Variants in KLHL4 observed in about 807,000 individuals in gnomAD.
KLHL4 encodes the protein kelch-like protein 4.
In KLHL4, 17 loss-of-function variants were observed where a neutral mutation model predicts 45.8. The ratio of observed to expected loss-of-function variants is 0.37; its 90% CI spans 0.25 to 0.56. The LOEUF is 0.56. Ranked by LOEUF, KLHL4 falls within the 20% of genes least tolerant of loss-of-function variation. The pLI, the probability that KLHL4 is intolerant of heterozygous loss-of-function variation, is 0.79. For synonymous variants in KLHL4, 224 were observed against 189.9 expected, an observed-to-expected ratio of 1.18 and a Z score of -1.47; for missense variants, 544 against 544.9, an observed-to-expected ratio of 1.00 and a Z score of 0.02.
At chrX:87,567,172 A>T (rs1184352010) in intron 1 of KLHL4, among the ~76,000 whole-genome samples, 2 of 111,519 alleles carry the variant, frequency 1.8e-5, no homozygotes, top group African/African-American at 6.5e-5. Context: ...TATTTATGAA[A>T]AATCGGCAGC....
intron 1 of KLHL4, among the ~76,000 whole-genome samples, chrX:87,587,991 C>T (rs763089604): frequency 1.5e-4 from 17 of 111,698 alleles, no homozygotes; most frequent in African/African-American, 3.9e-4. Flanking sequence ...AAATCAGTAG[C>T]ATTCCATATG....
intron 9 of KLHL4, among the ~76,000 whole-genome samples, chrX:87,637,945 T>G (rs755842917): frequency 9.0e-6 from 1 of 110,917 alleles, no homozygotes; most frequent in Non-Finnish European, 1.9e-5. Flanking sequence ...CGAGACTCCA[T>G]TGAAAAAATA....
Position 87,534,322 on chromosome X carries a change from A to G in KLHL4, c.422+16007A>G, listed in dbSNP as rs111642163. ...TGACTTATTGGTTTGGGGGTAGAAC[A>G]TAGGAATTTGAATTTTTAACAAACT... On this transcript the variant is annotated intron_variant, in intron 1 of 10. Coordinates refer to ENST00000373119, the MANE Select transcript of KLHL4 (RefSeq NM_019117.5). Among the ~76,000 whole-genome samples the G allele has an allele frequency of 5.6e-3, 620 of 111,204 alleles. 4 individuals carry two copies. The highest frequency in any genetic ancestry group is 9.3e-3 in the Middle Eastern group (2 of 216).
intron 1 of KLHL4, among the ~76,000 whole-genome samples, chrX:87,590,021 A>G (rs1325571035): frequency 9.7e-6 from 1 of 102,894 alleles, no homozygotes; most frequent in Non-Finnish European, 2.0e-5. Context: ...CTGAGCAACA[A>G]GAGCGAAACT....
At chrX:87,525,190 A>G (rs1229227729) in intron 1 of KLHL4, among the ~76,000 whole-genome samples, 1 of 112,055 alleles carries the variant, frequency 8.9e-6, no homozygotes, top group Non-Finnish European at 1.9e-5. Flanking sequence ...TATCAATTTT[A>G]AGGCTGTAGC....
intron 6 of KLHL4, among the ~76,000 whole-genome samples, chrX:87,629,604 G>A (rs1043959988): frequency 5.4e-5 from 6 of 111,242 alleles, no homozygotes; most frequent in African/African-American, 2.0e-4. Context: ...CCCACCATTC[G>A]TATCTTCATA....
intron 4 of KLHL4, among the ~76,000 whole-genome samples, chrX:87,619,406 C>T (rs1049370421): frequency 1.8e-5 from 2 of 111,409 alleles, no homozygotes; most frequent in African/African-American, 6.5e-5. Context: ...AAGTTTGAAA[C>T]GTATTCCTAA....
chrX:87,628,526 T>A (rs1196812454), intron 6 of KLHL4, among the ~76,000 whole-genome samples: 1 of 111,876 alleles, frequency 8.9e-6, no homozygotes, highest in Non-Finnish European at 1.9e-5. Context: ...AGTATAAACA[T>A]TAATTTCTAT....
intron 1 of KLHL4, among the ~76,000 whole-genome samples, chrX:87,610,533 A>G (rs1009099624): frequency 8.9e-6 from 1 of 111,783 alleles, no homozygotes; most frequent in Non-Finnish European, 1.9e-5. Flanking sequence ...TCTTAATTTG[A>G]CATAGACAAT....
intron 1 of KLHL4, among the ~76,000 whole-genome samples, chrX:87,608,927 A>T (rs969359751): frequency 2.7e-5 from 3 of 109,472 alleles, no homozygotes; most frequent in Non-Finnish European, 5.7e-5. Context: ...CCCACCCCAC[A>T]ACAGGCCCCG....
intron 9 of KLHL4, among the ~76,000 whole-genome samples, chrX:87,648,954 G>T (rs1327919579): frequency 9.0e-6 from 1 of 111,653 alleles, no homozygotes; most frequent in African/African-American, 3.2e-5. Flanking sequence ...TGACACTGAA[G>T]AAAACCACAT....
chrX:87,592,661 T>C (rs185258476), intron 1 of KLHL4, among the ~76,000 whole-genome samples: 21 of 112,425 alleles, frequency 1.9e-4, no homozygotes, highest in African/African-American at 6.8e-4. Context: ...TCTCAAATGA[T>C]CAATGATTTT....
At chrX:87,648,209 T>C (rs72634519) in intron 9 of KLHL4, among the ~76,000 whole-genome samples, 3,887 of 111,017 alleles carry the variant, frequency 0.035, 76 homozygotes, top group East Asian at 0.14. Context: ...AGTTAAATAA[T>C]ATTAACCTAA....
chrX:87,635,754 G>A lies in KLHL4; in HGVS notation c.1904G>A (p.Arg635Lys), dbSNP rs1362440421. 1 of 1,193,111 alleles carries A rather than the reference G, an allele frequency of 8.4e-7. No homozygotes were observed. Residue 635 changes from arginine (R) to lysine (K), a missense_variant, in exon 9 of 11, where the codon AGG (arginine) becomes AAG (lysine). Physicochemically the swap from Arg to Lys is conservative, Grantham distance 26. Transcript: ENST00000373119. Reference sequence around the variant, plus strand: ...GCCCCTGCTTCCAACCATTGCTCCAGGCTTTCTGACTGTGTGGAACGGTAA... The same window carrying A: ...GCCCCTGCTTCCAACCATTGCTCCAAGCTTTCTGACTGTGTGGAACGGTAA... ...HDAPASNHCS[R>K]LSDCVERYDP...
At chrX:87,661,122 A>G (rs1924173777) in intron 9 of KLHL4, among the ~76,000 whole-genome samples, 2 of 112,085 alleles carry the variant, frequency 1.8e-5, no homozygotes, top group African/African-American at 6.5e-5. Context: ...ATAATCAGAG[A>G]TACAAATAAT....
chrX:87,571,391 CTT>C (rs1481689111), intron 1 of KLHL4, among the ~76,000 whole-genome samples: 1 of 111,007 alleles, frequency 9.0e-6, no homozygotes, highest in African/African-American at 3.3e-5. Flanking sequence ...TTTGTCAAAA[CTT>C]AAAGAATATA....
At chrX:87,647,651 A>T (rs1363009531) in intron 9 of KLHL4, among the ~76,000 whole-genome samples, 3 of 111,813 alleles carry the variant, frequency 2.7e-5, no homozygotes, top group Non-Finnish European at 3.8e-5. Context: ...CAAACATTAT[A>T]TACTCTCATA....
At chrX:87,569,034 T>G (rs1932278930) in intron 1 of KLHL4, among the ~76,000 whole-genome samples, 1 of 111,256 alleles carries the variant, frequency 9.0e-6, no homozygotes, top group Non-Finnish European at 1.9e-5. Flanking sequence ...ATGAAAAAGA[T>G]AACCTACAAA....
At chrX:87,656,733 G>A (rs943228436) in intron 9 of KLHL4, among the ~76,000 whole-genome samples, 5 of 110,612 alleles carry the variant, frequency 4.5e-5, no homozygotes, top group East Asian at 2.9e-4. Flanking sequence ...AAAAGTTAGT[G>A]CAATGCTTTA....
Sources: allele counts gnomAD v4.1 joint callset (sites outside exome capture counted in the v4.1 genomes callset), GRCh38; gene constraint gnomAD v4.1.1; transcripts MANE v1.5; gene names NCBI Gene and HGNC (gene_info 2026-07-23, HGNC 2026-07-21).